The following TMEM268 variants were observed in gnomAD, a reference collection of about 807,000 sequenced individuals.
The protein encoded by TMEM268 is transmembrane protein C9orf91.
A neutral mutation model predicts 39.1 loss-of-function variants in TMEM268; 24 were observed. That is an observed-to-expected ratio of 0.61 (90% CI 0.44 to 0.86). The LOEUF is 0.86. TMEM268 is among the 40% of genes least tolerant of loss of function. The pLI is 0.00. For synonymous variants in TMEM268, 176 were observed against 173.5 expected (o/e 1.01, Z -0.12); for missense variants, 409 against 428.6 (o/e 0.95, Z 0.40).
At chr9:114,614,644 A>T (rs1845631392) in intron 1 of TMEM268, among the ~76,000 whole-genome samples, 1 of 152,204 alleles carries the variant, frequency 6.6e-6, no homozygotes, top group African/African-American at 2.4e-5. Flanking sequence ...TGGCCACTTC[A>T]TATCTTCACA....
intron 3 of TMEM268, 61 bp from the exon 4 acceptor site, chr9:114,626,838 A>G: frequency 8.0e-7 from 1 of 1,255,336 alleles, no homozygotes; most frequent in Non-Finnish European, 1.2e-6. Context: ...CATGATAGTC[A>G]CATGCACTGG....
At chr9:114,635,349 CA>C (rs78652701) in intron 6 of TMEM268, among the ~76,000 whole-genome samples, 5,506 of 141,240 alleles carry the variant, frequency 0.039, 178 homozygotes, top group African/African-American at 0.079. Flanking sequence ...GACTCCATCT[CA>C]AAAAAAAAAA....
In TMEM268 at chr9:114,624,372, C is replaced by T. The variant is rs760204934; in HGVS notation, c.129C>T (p.Leu43=). 2.5e-6 allele frequency: 4 copies of T among 1,603,174 alleles called. No homozygotes were observed. Among genetic ancestry groups the T allele is most frequent in the Non-Finnish European group, 3.4e-6 (4 of 1,174,278 alleles). ...WGQELHNGQV[L]TVLRIDNTCA... ...CAGAGCTCCACAATGGCCAGGTCCT[C>T]ACTGTTCTCCGGATTGACAATACCT... is the stretch of plus-strand genomic sequence containing the variant. Residue 43 remains leucine (L), a synonymous_variant, in exon 3 of 9, where the codon CTC becomes CTT. Coordinates refer to ENST00000288502, the MANE Select transcript of TMEM268 (RefSeq NM_153045.4).
chr9:114,606,785 A>C (rs942070079), upstream of TMEM268, among the ~76,000 whole-genome samples: 4 of 152,096 alleles, frequency 2.6e-5, no homozygotes, highest in Non-Finnish European at 4.4e-5. Flanking sequence ...AGGCCATGGC[A>C]ATGTTCCAAG....
At chr9:114,612,310 C>T (rs1845533966) in intron 1 of TMEM268, among the ~76,000 whole-genome samples, 1 of 152,136 alleles carries the variant, frequency 6.6e-6, no homozygotes, top group Non-Finnish European at 1.5e-5. Context: ...TGACCTTGTG[C>T]AAGATGGATA....
intron 2 of TMEM268, 24 bp downstream of exon 2, chr9:114,617,325 C>T: frequency 1.3e-6 from 2 of 1,564,826 alleles, no homozygotes; most frequent in Non-Finnish European, 1.8e-6. Context: ...CTTTCATTTT[C>T]CACCTTCTTT....
intron 7 of TMEM268, among the ~76,000 whole-genome samples, chr9:114,638,335 C>G (rs1404464097): frequency 6.6e-6 from 1 of 152,232 alleles, no homozygotes; most frequent in Non-Finnish European, 1.5e-5. Flanking sequence ...AGCCACCATG[C>G]CTGGTTATAA....
chr9:114,629,571 C>T (rs1350905179), intron 5 of TMEM268, among the ~76,000 whole-genome samples: 9 of 152,182 alleles, frequency 5.9e-5, no homozygotes, highest in Non-Finnish European at 1.3e-4. Context: ...GCTTTAACTC[C>T]CCTTTGCTGT....
In TMEM268 at chr9:114,624,547, T is replaced by C. The variant is rs910789310; in HGVS notation, c.216+88T>C. On this transcript the variant is annotated intron_variant, in intron 3 of 8. Transcript: ENST00000288502. Reference sequence around the variant, plus strand: ...TTCATCCAGTTTTTCACAAAATCTTTATGAAACAGTCTGTACCAGCTGTCG... The same window carrying C: ...TTCATCCAGTTTTTCACAAAATCTTCATGAAACAGTCTGTACCAGCTGTCG... 54 of 1,507,796 alleles carry C rather than the reference T, an allele frequency of 3.6e-5. No individual in the cohort carries two copies. The Middle Eastern group carries it at 8.7e-4, about 24-fold the overall frequency. The allele number at this position is 1,507,796 out of a possible 1,614,324, so 93.4% of individuals were successfully genotyped here. A position where few individuals can be genotyped will look rare whatever the true frequency, so the allele number is the denominator to read the frequency against.
rs1480002723 is a variant in TMEM268 at position 114,624,264 on chromosome 9, G to C, written c.107-86G>C. 3 of 1,532,112 alleles carry C rather than the reference G, an allele frequency of 2.0e-6. No homozygotes were observed. The East Asian group carries it at 7.5e-5, about 38-fold the overall frequency. The allele number at this position is 1,532,112 out of a possible 1,614,324, so 94.9% of individuals were successfully genotyped here. ...TTGCGAGGAGGTTCTCATGGCCAGAGGTGTGATGCCGCCAGGCTTCGGGCT... is the reference window on the plus strand; with the variant it reads ...TTGCGAGGAGGTTCTCATGGCCAGACGTGTGATGCCGCCAGGCTTCGGGCT... On this transcript the variant is annotated intron_variant, in intron 2 of 8. Coordinates refer to ENST00000288502, the MANE Select transcript of TMEM268 (RefSeq NM_153045.4).
In TMEM268 at chr9:114,617,134, T is replaced by TTCA; in HGVS notation, c.-62_-61insTCA. ...TTTCTGAAGGCATATGATGCTGAGC[T>TTCA]GGCTGCTCCAGAATGAACCACAGCT... is the stretch of plus-strand genomic sequence containing the variant. On this transcript the variant is annotated 5_prime_UTR_variant, in exon 2 of 9. Coordinates refer to ENST00000288502, the MANE Select transcript of TMEM268 (RefSeq NM_153045.4). The TTCA allele has an allele frequency of 9.0e-7, 1 of 1,114,880 alleles. No individual in the cohort carries two copies. Among genetic ancestry groups the TTCA allele is most frequent in the South Asian group, 1.4e-5 (1 of 71,792 alleles). The allele number at this position is 1,114,880 out of a possible 1,614,324, so 69.1% of individuals were successfully genotyped here.
intron 1 of TMEM268, 59 bp downstream of exon 1, chr9:114,611,623 G>A (rs1329519985): frequency 6.6e-6 from 1 of 152,556 alleles, no homozygotes; most frequent in African/African-American, 2.4e-5. Flanking sequence ...TTGGTGCTGT[G>A]GGGCTCCGGG....
chr9:114,615,140 G>T (rs569320626), intron 1 of TMEM268, among the ~76,000 whole-genome samples: 4 of 151,836 alleles, frequency 2.6e-5, no homozygotes, highest in East Asian at 1.9e-4. Flanking sequence ...CAAGTGATCC[G>T]CCCGCCTCAG....
intron 1 of TMEM268, chr9:114,615,474 G>A (rs1333538938): frequency 6.5e-6 from 1 of 152,920 alleles, no homozygotes; most frequent in Non-Finnish European, 1.5e-5. Flanking sequence ...GTCAAGTGCA[G>A]TAGTGAGAAG....
At chr9:114,642,742 A>G (rs968722982) in intron 8 of TMEM268, among the ~76,000 whole-genome samples, 1 of 152,104 alleles carries the variant, frequency 6.6e-6, no homozygotes, top group Admixed American at 6.5e-5. Context: ...CGGCCTCCCA[A>G]AGTGCTGGGA....
the TMEM268 span, among the ~76,000 whole-genome samples, chr9:114,604,375 C>T: frequency 6.1e-5 from 2 of 32,962 alleles, no homozygotes; most frequent in African/African-American, 1.3e-4. Context: ...GCCAGGAGTT[C>T]GAGACGAGCC....
chr9:114,628,597 C>T (rs1353434949), intron 5 of TMEM268, among the ~76,000 whole-genome samples: 2 of 152,142 alleles, frequency 1.3e-5, no homozygotes, highest in Admixed American at 6.5e-5. Flanking sequence ...GGGAGGATTA[C>T]TGAACCCACC....
chr9:114,631,353 A>T (rs1846391504), intron 5 of TMEM268, among the ~76,000 whole-genome samples: 1 of 151,814 alleles, frequency 6.6e-6, no homozygotes, highest in Non-Finnish European at 1.5e-5. Context: ...CATTGCTAGG[A>T]CACATGAGAA....
Position 114,624,415 on chromosome 9 carries a change from G to T in TMEM268, c.172G>T (p.Asp58Tyr). 1.3e-6 allele frequency: 2 copies of T among 1,597,452 alleles called. No homozygotes were observed. The highest frequency in any genetic ancestry group is 1.1e-5 in the South Asian group (1 of 88,236). Residue 58 changes from aspartate to tyrosine, a missense_variant, in exon 3 of 9, where the codon GAC becomes TAC. Physicochemically the swap from Asp to Tyr is radical, Grantham distance 160. Transcript: ENST00000288502. ...IDNTCAPISF[D>Y]LGAAEEQLQT... ...CAATACCTGTGCACCCATCTCCTTC[G>T]ACCTGGGAGCCGCAGAAGAGCAACT...
Sources: allele counts gnomAD v4.1 joint callset (sites outside exome capture counted in the v4.1 genomes callset), GRCh38; gene constraint gnomAD v4.1.1; transcripts MANE v1.5; gene names NCBI Gene and HGNC (gene_info 2026-07-23, HGNC 2026-07-21).